TBC1D32: variants seen among roughly 807,000 people sequenced by gnomAD.
The protein encoded by TBC1D32 is protein broad-minded.
Under a neutral mutation model 170.3 loss-of-function variants are expected in TBC1D32, and 151 were observed. That is an observed-to-expected ratio of 0.89 (90% CI 0.78 to 1.01). The LOEUF is 1.01. Ranked by LOEUF, TBC1D32 falls within the 50% of genes least tolerant of loss-of-function variation. The pLI, the probability that TBC1D32 is intolerant of heterozygous loss-of-function variation, is 0.00. For synonymous variants in TBC1D32, 498 were observed against 488.0 expected, an observed-to-expected ratio of 1.02 and a Z score of -0.27; for missense variants, 1,464 against 1,457.1, an observed-to-expected ratio of 1.00 and a Z score of -0.08.
intron 22 of TBC1D32, among the ~76,000 whole-genome samples, chr6:121,204,101 C>T (rs1791925418): frequency 3.9e-5 from 1 of 25,432 alleles, no homozygotes; most frequent in African/African-American, 4.6e-5. Flanking sequence ...GGAAATTCTA[C>T]TGTAGTTTTT....
At chr6:121,287,489 C>A (rs989452356) in intron 12 of TBC1D32, among the ~76,000 whole-genome samples, 1 of 152,022 alleles carries the variant, frequency 6.6e-6, no homozygotes, top group Non-Finnish European at 1.5e-5. Flanking sequence ...ACAGGAGCAC[C>A]CAGATTCATA....
chr6:121,229,162 C>T (rs1295116953), intron 20 of TBC1D32, among the ~76,000 whole-genome samples: 1 of 152,072 alleles, frequency 6.6e-6, no homozygotes, highest in Non-Finnish European at 1.5e-5. Flanking sequence ...CTTCTCTGTG[C>T]CTACAATTAC....
chr6:121,196,809 A>C (rs1387605697), intron 22 of TBC1D32, among the ~76,000 whole-genome samples: 3 of 152,176 alleles, frequency 2.0e-5, no homozygotes, highest in Non-Finnish European at 4.4e-5. Context: ...GTGTGCTCTG[A>C]ATCAGCATCC....
In TBC1D32 at chr6:121,256,284, G is replaced by A. The variant is rs777311700; in HGVS notation, c.1735C>T (p.Pro579Ser). Residue 579 changes from proline (P) to serine (S), a missense_variant and splice_region_variant, in exon 16 of 32, where the codon CCT becomes TCT. Pro to Ser is a moderately conservative substitution (Grantham distance 74). Around this residue, in one of 3 missense-constraint regions of TBC1D32, gnomAD observed 1,363 missense variants for 1,338.1 expected, o/e 1.02. Transcript: ENST00000398212. ...GANMNSSEESPTGAHIIAQFS... is the reference protein window; with the variant it reads ...GANMNSSEESSTGAHIIAQFS... ...TGGGCAATTATATGAGCACCTGTAG[G>A]ACTAAAAGATGATACCTGAAAGTGA... The A allele has an allele frequency of 1.9e-6, 3 of 1,606,030 alleles. No individual in the cohort carries two copies. The highest frequency in any genetic ancestry group is 1.3e-5 in the African/African-American group (1 of 74,482).
At chr6:121,124,696 A>G (rs1780648553) in intron 26 of TBC1D32, among the ~76,000 whole-genome samples, 1 of 151,954 alleles carries the variant, frequency 6.6e-6, no homozygotes, top group Non-Finnish European at 1.5e-5. Context: ...TATATATCCT[A>G]TAAGCTTTCT....
At position 121,252,487 on chromosome 6, in the gene TBC1D32, C is replaced by T. The variant is rs527271859; in HGVS notation, c.2018+2841G>A. On this transcript the variant is annotated intron_variant, in intron 17 of 31. Transcript: ENST00000398212. ...CACAGGAACAGAAAACCAAACACTG[C>T]ATGTTCTCACTCATAAGTAGGAGTC... 5.9e-5 allele frequency among the ~76,000 whole-genome samples: 9 copies of T among 152,296 alleles called. No homozygotes were observed. In the East Asian group the frequency reaches 7.7e-4, roughly 13 times the overall value.
chr6:121,146,026 G>A (rs1385491747), intron 24 of TBC1D32, among the ~76,000 whole-genome samples: 1 of 152,138 alleles, frequency 6.6e-6, no homozygotes, highest in South Asian at 2.1e-4. Flanking sequence ...ACAAAGCTGG[G>A]GTAGGCAAGA....
At chr6:121,310,019 A>T (rs542347498) in intron 4 of TBC1D32, among the ~76,000 whole-genome samples, 2 of 152,202 alleles carry the variant, frequency 1.3e-5, no homozygotes, top group African/African-American at 4.8e-5. Flanking sequence ...TGGGTGACAG[A>T]GTAAGACCCT....
At chr6:121,087,090 C>T (rs2128171955) in intron 31 of TBC1D32, among the ~76,000 whole-genome samples, 1 of 152,306 alleles carries the variant, frequency 6.6e-6, no homozygotes, top group South Asian at 2.1e-4. Context: ...TTAATCACCA[C>T]AGCATGAAAA....
chr6:121,153,978 G>A (rs1784526566), intron 24 of TBC1D32, among the ~76,000 whole-genome samples: 1 of 143,664 alleles, frequency 7.0e-6, no homozygotes, highest in African/African-American at 2.7e-5. Flanking sequence ...CCTGGCTTCA[G>A]CCCCCTTTCC....
At chr6:121,222,152 AT>A (rs1395074572) in intron 21 of TBC1D32, among the ~76,000 whole-genome samples, 1 of 148,890 alleles carries the variant, frequency 6.7e-6, no homozygotes, top group Non-Finnish European at 1.5e-5. Context: ...GTTCATTAGC[AT>A]TTTTTTGGCA....
chr6:121,248,700 C>T (rs1453839934), intron 17 of TBC1D32, among the ~76,000 whole-genome samples: 1 of 151,412 alleles, frequency 6.6e-6, no homozygotes. Context: ...ACTAGAAAAT[C>T]TAGAGGAGAT....
At chr6:121,310,264 A>C (rs1807988603) in intron 4 of TBC1D32, among the ~76,000 whole-genome samples, 1 of 152,156 alleles carries the variant, frequency 6.6e-6, no homozygotes, top group African/African-American at 2.4e-5. Flanking sequence ...TCTCACCACA[A>C]AAATGATAAG....
intron 20 of TBC1D32, among the ~76,000 whole-genome samples, chr6:121,228,215 CA>C (rs2128337069): frequency 6.6e-6 from 1 of 151,954 alleles, no homozygotes; most frequent in South Asian, 2.1e-4. Flanking sequence ...TAATCATTTC[CA>C]AAAATCACAT....
At chr6:121,148,447 C>A (rs558423732) in intron 24 of TBC1D32, among the ~76,000 whole-genome samples, 2 of 152,092 alleles carry the variant, frequency 1.3e-5, no homozygotes, top group African/African-American at 4.8e-5. Context: ...AATAAACATA[C>A]GTGTGCATGT....
Position 121,304,768 on chromosome 6 carries a change from A to G in TBC1D32, c.756T>C (p.Ile252=), listed in dbSNP as rs752163282. 2 of 1,605,172 alleles carry G rather than the reference A, an allele frequency of 1.2e-6. No homozygotes were observed. Among genetic ancestry groups the G allele is most frequent in the Non-Finnish European group, 1.7e-6 (2 of 1,175,768 alleles). The part of the protein sequence containing the change: ...LLSPLHMTKE[I]YTSLAKYLES... ...TCACAAACATACCTAAGCTTGTATAAATTTCCTTGGTCATATGTAATGGAG... is the reference window on the plus strand; with the variant it reads ...TCACAAACATACCTAAGCTTGTATAGATTTCCTTGGTCATATGTAATGGAG... Residue 252 remains isoleucine, a synonymous_variant, in exon 6 of 32, where the codon ATT becomes ATC. Coordinates refer to ENST00000398212, the MANE Select transcript of TBC1D32 (RefSeq NM_152730.6).
At chr6:121,274,772 A>G (rs1053610609) in intron 15 of TBC1D32, among the ~76,000 whole-genome samples, 1 of 152,196 alleles carries the variant, frequency 6.6e-6, no homozygotes, top group African/African-American at 2.4e-5. Flanking sequence ...TTCAGCGTAA[A>G]AGTTATGCAC....
intron 25 of TBC1D32, chr6:121,129,994 C>A: frequency 5.0e-6 from 2 of 403,756 alleles, no homozygotes; most frequent in Non-Finnish European, 4.8e-6. Flanking sequence ...TTAAATATAA[C>A]CAAAGGTAAA....
chr6:121,145,718 T>C (rs1393680438), intron 24 of TBC1D32, among the ~76,000 whole-genome samples: 1 of 152,144 alleles, frequency 6.6e-6, no homozygotes, highest in East Asian at 1.9e-4. Context: ...GATAAATATA[T>C]AGAATGCTTA....
Sources: allele counts gnomAD v4.1 joint callset (sites outside exome capture counted in the v4.1 genomes callset), GRCh38; gene constraint gnomAD v4.1.1; regional missense constraint gnomAD v4.1.1; transcripts MANE v1.5; gene names NCBI Gene and HGNC (gene_info 2026-07-23, HGNC 2026-07-21).